The following EHMT1 variants were observed in gnomAD, a reference collection of about 807,000 sequenced individuals.
The protein encoded by EHMT1 is histone-lysine N-methyltransferase EHMT1.
Under a neutral mutation model 147.2 loss-of-function variants are expected in EHMT1, and 15 were observed. The observed-to-expected ratio is 0.10, with a 90% CI of 0.07 to 0.16. The LOEUF (loss-of-function observed/expected upper bound fraction) is 0.16. Among genes scored for constraint, EHMT1 ranks in the 10% least tolerant of loss-of-function variants. The probability of loss-of-function intolerance (pLI) is 1.00; values close to 1 mark genes in which losing one functional copy is unlikely to be tolerated. For missense variants in EHMT1, 1,587 were observed against 1,772.4 expected, an observed-to-expected ratio of 0.90 and a Z score of 1.88; for synonymous variants, 795 against 709.6, an observed-to-expected ratio of 1.12 and a Z score of -1.91.
intron 1 of EHMT1, among the ~76,000 whole-genome samples, chr9:137,671,910 C>T (rs868608612): frequency 2.0e-5 from 3 of 152,196 alleles, no homozygotes; most frequent in Non-Finnish European, 2.9e-5. Flanking sequence ...CGACATGTGG[C>T]TGTGGAGAGG....
intron 1 of EHMT1, among the ~76,000 whole-genome samples, chr9:137,697,568 C>A (rs1363482178): frequency 6.6e-6 from 1 of 150,632 alleles, no homozygotes. Flanking sequence ...TAGAAGGACA[C>A]TTTTTGTGGT....
At chr9:137,620,139 G>C (rs1462777526) in intron 1 of EHMT1, 1 of 152,132 alleles carries the variant, frequency 6.6e-6, no homozygotes, top group Non-Finnish European at 1.5e-5. Flanking sequence ...AAACTGGGAA[G>C]GTGCAGGGGA....
At chr9:137,667,978 C>G (rs1487361384) in intron 1 of EHMT1, among the ~76,000 whole-genome samples, 1 of 152,158 alleles carries the variant, frequency 6.6e-6, no homozygotes, top group Non-Finnish European at 1.5e-5. Context: ...TAGGACCTCT[C>G]AGAGGGACTG....
chr9:137,727,273 C>T (rs1946719058), intron 3 of EHMT1, among the ~76,000 whole-genome samples: 2 of 152,196 alleles, frequency 1.3e-5, no homozygotes, highest in South Asian at 4.1e-4. Flanking sequence ...TGACACACCA[C>T]ACCTGGCCCA....
intron 1 of EHMT1, among the ~76,000 whole-genome samples, chr9:137,677,697 A>AG: frequency 6.6e-6 from 1 of 152,204 alleles, no homozygotes; most frequent in East Asian, 1.9e-4. Flanking sequence ...TTTATAATTG[A>AG]CAAAAAGAGT....
chr9:137,782,354 C>T lies in EHMT1; in HGVS notation c.2339C>T (p.Ala780Val), dbSNP rs1180174041. ...AATAAGCGCTCTCCACTGCACGCCG[C>T]GGCAGAGGCTGGACACGTGGACATC... ...HQNKRSPLHA[A>V]AEAGHVDICH... The change falls in exon 15 of 27, where the codon GCG becomes GTG. Residue 780 changes from alanine (A) to valine (V), a missense_variant. Transcript: ENST00000460843. The surrounding 1 kb of genome is among the most constrained non-coding windows in gnomAD (Gnocchi z 5.7). 6.2e-7 allele frequency: 1 copy of T among 1,612,826 alleles called. No homozygotes were observed. The highest frequency in any genetic ancestry group is 8.5e-7 in the Non-Finnish European group (1 of 1,179,888).
intron 24 of EHMT1, 175 bp downstream of exon 24, chr9:137,817,700 C>A: frequency 1.3e-6 from 1 of 773,644 alleles, no homozygotes; most frequent in Non-Finnish European, 2.1e-6. Flanking sequence ...TGTCCTCAGT[C>A]CTCTTGCTGC....
At chr9:137,626,126 C>T (rs942007262) in intron 1 of EHMT1, among the ~76,000 whole-genome samples, 2 of 151,534 alleles carry the variant, frequency 1.3e-5, no homozygotes, top group Admixed American at 6.6e-5. Context: ...CTTGGCCTCC[C>T]AAAGTGCTGA....
rs1950604552 is a variant in EHMT1 at position 137,771,826 on chromosome 9, G to T, written c.1648-3283G>T. ...GCCCCATCGGCAGACCTGAGCAGCA[G>T]AACAGCTGGGATGAGTCACAGGGGA... is the stretch of plus-strand genomic sequence containing the variant. On this transcript the variant is annotated intron_variant, in intron 10 of 26. Coordinates refer to ENST00000460843, the MANE Select transcript of EHMT1 (RefSeq NM_024757.5). 3.9e-5 allele frequency among the ~76,000 whole-genome samples: 6 copies of T among 152,354 alleles called. No homozygotes were observed. In the South Asian group the frequency reaches 1.2e-3, roughly 32 times the overall value.
At position 137,816,293 on chromosome 9, in the gene EHMT1, G is replaced by C. The variant is rs952849621; in HGVS notation, c.3374+231G>C. 2.2e-5 allele frequency: 13 copies of C among 593,360 alleles called. No individual in the cohort carries two copies. In the African/African-American group the frequency reaches 2.2e-4, roughly 10 times the overall value. The allele number at this position is 593,360 out of a possible 1,614,324, so 36.8% of individuals were successfully genotyped here. A position where few individuals can be genotyped will look rare whatever the true frequency, so the allele number is the denominator to read the frequency against. ...AGACTTCGGCATGAGAGAAGGAGCA[G>C]GTTGTTGGGTCAGTCCAGCTAAAAG... On this transcript the variant is annotated intron_variant, in intron 23 of 26. Transcript: ENST00000460843.
At chr9:137,784,234 G>C in intron 15 of EHMT1, 2 of 1,539,440 alleles carry the variant, frequency 1.3e-6, no homozygotes, top group South Asian at 2.4e-5. Context: ...CCTTGCTGTG[G>C]ACCAGGCCGC....
In EHMT1 at chr9:137,788,267, A is replaced by G. The variant is rs1411408292; in HGVS notation, c.2383-2581A>G. On this transcript the variant is annotated intron_variant, in intron 15 of 26. Transcript: ENST00000460843. Reference sequence around the variant, plus strand: ...CTAGCAGGGACTGCATGCTGAAGCCATTGCTGGGCGGTGGCAGATGACCGA... The same window carrying G: ...CTAGCAGGGACTGCATGCTGAAGCCGTTGCTGGGCGGTGGCAGATGACCGA... 6 of 433,208 alleles carry G rather than the reference A, an allele frequency of 1.4e-5. 1 individual carries two copies. In the Admixed American group the frequency reaches 2.3e-4, roughly 17 times the overall value. The allele number at this position is 433,208 out of a possible 1,614,324, so 26.8% of individuals were successfully genotyped here.
chr9:137,649,856 G>T (rs1358431091), intron 1 of EHMT1, among the ~76,000 whole-genome samples: 1 of 152,166 alleles, frequency 6.6e-6, no homozygotes, highest in Non-Finnish European at 1.5e-5. Context: ...AATAAATTTA[G>T]GTTGTTTTAA....
In EHMT1 at chr9:137,834,447, C is replaced by T; in HGVS notation, c.3639C>T (p.Phe1213=). The T allele has an allele frequency of 6.2e-7, 1 of 1,613,196 alleles. No individual in the cohort carries two copies. The highest frequency in any genetic ancestry group is 8.5e-7 in the Non-Finnish European group (1 of 1,179,810). The part of the protein sequence containing the change: ...CEPNLVPVRV[F]MAHQDLRFPR... ...CCAACCTGGTGCCCGTGCGCGTGTTCATGGCCCACCAGGACCTGCGGTTCC... is the reference window on the plus strand; with the variant it reads ...CCAACCTGGTGCCCGTGCGCGTGTTTATGGCCCACCAGGACCTGCGGTTCC... The change falls in exon 26 of 27, where the codon TTC becomes TTT. Residue 1213 remains phenylalanine (F), a synonymous_variant. Coordinates refer to ENST00000460843, the MANE Select transcript of EHMT1 (RefSeq NM_024757.5).
At chr9:137,809,612 G>C (rs1035576121) in intron 18 of EHMT1, among the ~76,000 whole-genome samples, 7 of 152,262 alleles carry the variant, frequency 4.6e-5, no homozygotes, top group African/African-American at 1.7e-4. Flanking sequence ...GCTGCAGCCG[G>C]CGCTCCCAGA....
rs1401735367 is a variant in EHMT1 at position 137,757,826 on chromosome 9, T to C, written c.1370-54T>C. ...AGCCTTGCTGCCCTGTGCGTCTGGGTGGGTGCGGCCGCCTGGGTGCGTGGT... is the reference window on the plus strand; with the variant it reads ...AGCCTTGCTGCCCTGTGCGTCTGGGCGGGTGCGGCCGCCTGGGTGCGTGGT... On this transcript the variant is annotated intron_variant, in intron 8 of 26. Coordinates refer to ENST00000460843, the MANE Select transcript of EHMT1 (RefSeq NM_024757.5). 30 of 1,610,496 alleles carry C rather than the reference T, an allele frequency of 1.9e-5. No individual in the cohort carries two copies. In the Admixed American group the frequency reaches 5.0e-4, roughly 27 times the overall value.
chr9:137,707,447 C>T (rs142669181), intron 1 of EHMT1, among the ~76,000 whole-genome samples: 338 of 152,266 alleles, frequency 2.2e-3, no homozygotes, highest in African/African-American at 7.8e-3. Flanking sequence ...CTTTTCCTTT[C>T]GCCTCTGCCC....
Position 137,775,267 on chromosome 9 carries a change from C to G in EHMT1, c.1791+15C>G. The G allele has an allele frequency of 1.2e-6, 2 of 1,607,344 alleles. No individual in the cohort carries two copies. The highest frequency in any genetic ancestry group is 1.7e-6 in the Non-Finnish European group (2 of 1,179,682). On this transcript the variant is annotated intron_variant, in intron 11 of 26. Transcript: ENST00000460843. This position sits in a 1 kb window ranked among gnomAD's most constrained non-coding sequence, Gnocchi z 6.1. ...TCTGCACAGCGGTAAGAGCCCAGTCCGGCAGCCTCTGAGTCCTCCGCAGGC... is the reference window on the plus strand; with the variant it reads ...TCTGCACAGCGGTAAGAGCCCAGTCGGGCAGCCTCTGAGTCCTCCGCAGGC...
Position 137,782,382 on chromosome 9 carries a change from C to T in EHMT1, c.2367C>T (p.Cys789=). Reference sequence around the variant, plus strand: ...CAGAGGCTGGACACGTGGACATCTGCCACATGCTGGTTCAGGTGCGGCGGC... The same window carrying T: ...CAGAGGCTGGACACGTGGACATCTGTCACATGCTGGTTCAGGTGCGGCGGC... ...AAAEAGHVDI[C]HMLVQAGANI... Residue 789 remains cysteine, a synonymous_variant, in exon 15 of 27, where the codon TGC becomes TGT. Coordinates refer to ENST00000460843, the MANE Select transcript of EHMT1 (RefSeq NM_024757.5). This position sits in a 1 kb window ranked among gnomAD's most constrained non-coding sequence, Gnocchi z 5.7. The T allele has an allele frequency of 6.2e-7, 1 of 1,610,936 alleles. No homozygotes were observed.
Sources: gnomAD v4.1 joint callset for allele counts (sites outside exome capture counted in the v4.1 genomes callset) on GRCh38, gnomAD v4.1.1 for gene constraint, Gnocchi (gnomAD v3.1) non-coding constraint, MANE v1.5 for transcripts, NCBI Gene and HGNC (gene_info 2026-07-23, HGNC 2026-07-21) for gene names.